Variants in LYPLAL1 observed in about 807,000 individuals in gnomAD.
LYPLAL1 encodes the protein lysophospholipase-like protein 1.
A neutral mutation model predicts 19.7 loss-of-function variants in LYPLAL1; 23 were observed. The observed-to-expected ratio is 1.17, with a 90% CI of 0.84 to 1.65. The LOEUF (loss-of-function observed/expected upper bound fraction) is 1.65. Ranked by LOEUF, LYPLAL1 falls within the 40% of genes most tolerant of loss-of-function variation. The probability of loss-of-function intolerance (pLI) is 0.00; values close to 1 mark genes in which losing one functional copy is unlikely to be tolerated. For synonymous variants in LYPLAL1, 119 were observed against 96.3 expected, an observed-to-expected ratio of 1.24 and a Z score of -1.38; for missense variants, 355 against 279.4, an observed-to-expected ratio of 1.27 and a Z score of -1.93.
chr1:219,186,937 G>A (rs994571717), intron 2 of LYPLAL1, among the ~76,000 whole-genome samples: 19 of 150,946 alleles, frequency 1.3e-4, no homozygotes, highest in African/African-American at 3.9e-4. Context: ...TGAATTATTC[G>A]TTTTTTAATA....
At chr1:219,180,758 T>G (rs189471308) in intron 2 of LYPLAL1, among the ~76,000 whole-genome samples, 109 of 152,334 alleles carry the variant, frequency 7.2e-4, no homozygotes, top group Non-Finnish European at 1.2e-3. Context: ...GAATTAATAT[T>G]TTTTATCTTA....
In LYPLAL1 at chr1:219,205,693, C is replaced by A. The variant is rs540263367; in HGVS notation, c.362-4839C>A. ...ATAGTTAGAATTCCCAAGATGAAGT[C>A]TAGCATCAAAATTTCCAGCCTGCCT... On this transcript the variant is annotated intron_variant, in intron 3 of 4. Transcript: ENST00000366928. Among the ~76,000 whole-genome samples, 7 of 152,274 alleles carry A rather than the reference C, an allele frequency of 4.6e-5. No homozygotes were observed. The East Asian group carries it at 7.7e-4, about 17-fold the overall frequency.
the LYPLAL1 span, among the ~76,000 whole-genome samples, chr1:219,317,637 A>G: frequency 2.6e-5 from 4 of 152,188 alleles, no homozygotes; most frequent in Non-Finnish European, 5.9e-5. Flanking sequence ...TTCAGGATCA[A>G]AAATAAATAA....
chr1:219,268,709 G>A, the LYPLAL1 span, among the ~76,000 whole-genome samples: 4 of 152,218 alleles, frequency 2.6e-5, no homozygotes, highest in Non-Finnish European at 5.9e-5. Flanking sequence ...GCAAAGGCAG[G>A]TGTTTTTCTA....
the LYPLAL1 span, among the ~76,000 whole-genome samples, chr1:219,398,374 A>T: frequency 6.6e-6 from 1 of 152,154 alleles, no homozygotes; most frequent in Non-Finnish European, 1.5e-5. Context: ...GTATTATGAA[A>T]TTCTTGCCAT....
chr1:219,401,354 T>TTTTTTTTTTTTTTTGAGACG, the LYPLAL1 span, among the ~76,000 whole-genome samples: 4 of 149,862 alleles, frequency 2.7e-5, no homozygotes, highest in African/African-American at 7.3e-5. Flanking sequence ...TTTTTTTAAT[T>TTTTTTTTTTTTTTTGAGACG]GCCACTTAAC....
At chr1:219,320,333 G>A in the LYPLAL1 span, among the ~76,000 whole-genome samples, 2 of 151,862 alleles carry the variant, frequency 1.3e-5, no homozygotes, top group African/African-American at 4.8e-5. Flanking sequence ...CAGAATCCCC[G>A]AGAATCCAGC....
At chr1:219,242,377 A>G in the LYPLAL1 span, among the ~76,000 whole-genome samples, 1 of 152,200 alleles carries the variant, frequency 6.6e-6, no homozygotes, top group African/African-American at 2.4e-5. Context: ...CAAGGAGACC[A>G]GGAAGAACCT....
At chr1:219,414,989 G>T in the LYPLAL1 span, among the ~76,000 whole-genome samples, 1 of 152,120 alleles carries the variant, frequency 6.6e-6, no homozygotes, top group Non-Finnish European at 1.5e-5. Context: ...AATAACCACA[G>T]CAAGGCACAT....
At chr1:219,432,754 C>T in the LYPLAL1 span, among the ~76,000 whole-genome samples, 2 of 152,130 alleles carry the variant, frequency 1.3e-5, no homozygotes. Flanking sequence ...GAATATTTTC[C>T]CTTTTAAAGT....
chr1:219,444,309 T>C, the LYPLAL1 span, among the ~76,000 whole-genome samples: 1 of 152,228 alleles, frequency 6.6e-6, no homozygotes, highest in Non-Finnish European at 1.5e-5. Flanking sequence ...AACAACTGCC[T>C]ATTTTACATT....
At chr1:219,287,179 T>C in the LYPLAL1 span, among the ~76,000 whole-genome samples, 1 of 152,178 alleles carries the variant, frequency 6.6e-6, no homozygotes, top group African/African-American at 2.4e-5. Flanking sequence ...ATCCTCTTTT[T>C]ATCCGAATGC....
the LYPLAL1 span, among the ~76,000 whole-genome samples, chr1:219,218,827 G>A: frequency 6.6e-6 from 1 of 152,106 alleles, no homozygotes; most frequent in African/African-American, 2.4e-5. Context: ...AGACAACCAT[G>A]AATAACAACG....
the LYPLAL1 span, among the ~76,000 whole-genome samples, chr1:219,360,435 G>A: frequency 2.3e-3 from 349 of 152,158 alleles, 2 homozygotes; most frequent in African/African-American, 8.1e-3. Context: ...CGTAGACATC[G>A]GAGTAGTCAT....
intron 2 of LYPLAL1, among the ~76,000 whole-genome samples, chr1:219,185,775 C>T (rs1175845779): frequency 5.3e-5 from 8 of 151,930 alleles, no homozygotes; most frequent in African/African-American, 9.7e-5. Flanking sequence ...GTCTTATTAC[C>T]GTAACACCTA....
At chr1:219,443,829 G>A in the LYPLAL1 span, among the ~76,000 whole-genome samples, 3 of 152,208 alleles carry the variant, frequency 2.0e-5, no homozygotes, top group African/African-American at 4.8e-5. Flanking sequence ...ACTTATTCAA[G>A]TTCAGAAGCT....
chr1:219,237,787 C>T, the LYPLAL1 span, among the ~76,000 whole-genome samples: 54 of 152,216 alleles, frequency 3.5e-4, no homozygotes, highest in East Asian at 8.5e-3. Context: ...ATGGCACCTA[C>T]ATTATAATTC....
chr1:219,393,752 G>C, the LYPLAL1 span, among the ~76,000 whole-genome samples: 1 of 150,320 alleles, frequency 6.7e-6, no homozygotes. Context: ...TGTTAAATCG[G>C]GCAATAGACA....
the LYPLAL1 span, among the ~76,000 whole-genome samples, chr1:219,427,420 A>G: frequency 6.6e-6 from 1 of 152,240 alleles, no homozygotes. Context: ...CACACTTTAT[A>G]GAAATGTATA....
Sources: gnomAD v4.1 joint callset for allele counts (sites outside exome capture counted in the v4.1 genomes callset) on GRCh38, gnomAD v4.1.1 for gene constraint, MANE v1.5 for transcripts, NCBI Gene and HGNC (gene_info 2026-07-23, HGNC 2026-07-21) for gene names.